SND1: variants seen among roughly 807,000 people sequenced by gnomAD.
SND1 encodes the protein staphylococcal nuclease and tudor domain containing 1.
In SND1, 38 loss-of-function variants were observed where a neutral mutation model predicts 121.7. The ratio of observed to expected loss-of-function variants is 0.31; its 90% CI spans 0.24 to 0.41. The LOEUF is 0.41. Among genes scored for constraint, SND1 ranks in the 10% least tolerant of loss-of-function variants. The probability of loss-of-function intolerance (pLI) is 1.00; values close to 1 mark genes in which losing one functional copy is unlikely to be tolerated. For synonymous variants in SND1, 401 were observed against 447.4 expected, an observed-to-expected ratio of 0.90 and a Z score of 1.31; for missense variants, 868 against 1,184.6, an observed-to-expected ratio of 0.73 and a Z score of 3.92.
chr7:127,951,713 G>A (rs1489729189), intron 15 of SND1, among the ~76,000 whole-genome samples: 1 of 152,166 alleles, frequency 6.6e-6, no homozygotes, highest in Non-Finnish European at 1.5e-5. Context: ...ATTGATTAAA[G>A]AATGTGCCTG....
At chr7:127,979,509 G>A (rs1395306754) in intron 15 of SND1, among the ~76,000 whole-genome samples, 5 of 152,144 alleles carry the variant, frequency 3.3e-5, no homozygotes, top group Non-Finnish European at 7.3e-5. Flanking sequence ...TGGCAGGAAG[G>A]GCAGTTACAG....
chr7:127,934,001 A>T (rs1801004314), intron 15 of SND1, among the ~76,000 whole-genome samples: 1 of 152,234 alleles, frequency 6.6e-6, no homozygotes, highest in Non-Finnish European at 1.5e-5. Flanking sequence ...GAATACAGAC[A>T]TGTAAACAAA....
chr7:127,668,536 G>C (rs1423964614), intron 1 of SND1, among the ~76,000 whole-genome samples: 2 of 152,112 alleles, frequency 1.3e-5, no homozygotes, highest in African/African-American at 4.8e-5. Flanking sequence ...ACAAGACCAG[G>C]AAAAAATAAG....
rs546748817 is a variant in SND1 at position 127,858,209 on chromosome 7, C to A, written c.1343+13785C>A. On this transcript the variant is annotated intron_variant, in intron 12 of 23. Coordinates refer to ENST00000354725, the MANE Select transcript of SND1 (RefSeq NM_014390.4). ...CTTCAGCCGCATGGCCAACTGTTCC[C>A]TCGTTTCCTGGTACATGCCAAGGTT... 1.0e-3 allele frequency: 798 copies of A among 786,456 alleles called. 2 individuals are homozygous for A. The highest frequency in any genetic ancestry group is 2.1e-3 in the Middle Eastern group (9 of 4,370). 48.7% of individuals were successfully genotyped at this position (786,456 alleles called of 1,614,324 possible).
chr7:127,748,219 C>A (rs1296457758), intron 10 of SND1, among the ~76,000 whole-genome samples: 1 of 152,220 alleles, frequency 6.6e-6, no homozygotes, highest in African/African-American at 2.4e-5. Flanking sequence ...TCTCCTGTAT[C>A]TTCCTCTTGA....
chr7:128,066,149 T>C (rs1320478823), intron 16 of SND1, among the ~76,000 whole-genome samples: 1 of 152,232 alleles, frequency 6.6e-6, no homozygotes, highest in Non-Finnish European at 1.5e-5. Flanking sequence ...GCTGCCTCAC[T>C]GCCTCAGGCA....
chr7:127,657,027 G>T (rs551941540), intron 1 of SND1, among the ~76,000 whole-genome samples: 6 of 152,152 alleles, frequency 3.9e-5, no homozygotes, highest in Non-Finnish European at 8.8e-5. Flanking sequence ...AAGGTTTTCT[G>T]TCATTTTTCT....
At chr7:128,088,768 TAA>T (rs1275808842) in intron 21 of SND1, among the ~76,000 whole-genome samples, 1 of 143,350 alleles carries the variant, frequency 7.0e-6, no homozygotes. Context: ...CCTGTCTCTT[TAA>T]AAAAAAAAAA....
At chr7:127,797,188 CG>C (rs1302203504) in intron 10 of SND1, among the ~76,000 whole-genome samples, 1 of 152,066 alleles carries the variant, frequency 6.6e-6, no homozygotes, top group Non-Finnish European at 1.5e-5. Context: ...CCGCTGTGCC[CG>C]GGCTATTTTG....
At chr7:127,985,619 CAT>C (rs1189219087) in intron 15 of SND1, among the ~76,000 whole-genome samples, 1 of 152,238 alleles carries the variant, frequency 6.6e-6, no homozygotes, top group East Asian at 1.9e-4. Flanking sequence ...TCACCAATAA[CAT>C]ACCTTTTACA....
chr7:128,039,759 C>A (rs1792816275), intron 16 of SND1, among the ~76,000 whole-genome samples: 3 of 152,126 alleles, frequency 2.0e-5, no homozygotes. Flanking sequence ...GGAGTGGGGG[C>A]TGTTGAGCCT....
intron 12 of SND1, among the ~76,000 whole-genome samples, chr7:127,882,430 GGAGGGGAGGGGAGGGGAAGA>G: frequency 8.1e-6 from 1 of 123,882 alleles, no homozygotes; most frequent in South Asian, 2.6e-4. Context: ...GGAGAGGAGG[GGAGGGGAGGGGAGGGGAAGA>G]GAGGGGAGAG....
chr7:127,766,771 C>CAAAAAAAAAA (rs59243807), intron 10 of SND1, among the ~76,000 whole-genome samples: 441 of 33,224 alleles, frequency 0.013, 39 homozygotes, highest in East Asian at 0.021. Flanking sequence ...GACTTTGTCT[C>CAAAAAAAAAA]AAAAAAAAAA....
chr7:127,706,646 T>C (rs1002562425), intron 8 of SND1, among the ~76,000 whole-genome samples: 4 of 152,172 alleles, frequency 2.6e-5, no homozygotes, highest in Non-Finnish European at 4.4e-5. Context: ...TTATGGATTT[T>C]TTGGGGGAGT....
chr7:128,083,137 TG>T (rs1315232078), intron 18 of SND1, among the ~76,000 whole-genome samples: 6 of 152,220 alleles, frequency 3.9e-5, no homozygotes, highest in African/African-American at 1.4e-4. Context: ...CCTCTCACCC[TG>T]TCTCCCTTCT....
intron 12 of SND1, among the ~76,000 whole-genome samples, chr7:127,883,586 T>C (rs899977692): frequency 6.6e-6 from 1 of 152,178 alleles, no homozygotes. Flanking sequence ...GCATTTTCTA[T>C]GAGGCAGGAC....
At chr7:127,813,014 T>TTGTG (rs1448330717) in intron 11 of SND1, among the ~76,000 whole-genome samples, 3 of 152,206 alleles carry the variant, frequency 2.0e-5, no homozygotes. Flanking sequence ...GGCCCTAAGG[T>TTGTG]TGTGAATGCA....
At chr7:127,676,242 G>T (rs947436198) in intron 1 of SND1, among the ~76,000 whole-genome samples, 24 of 152,190 alleles carry the variant, frequency 1.6e-4, no homozygotes, top group Non-Finnish European at 2.9e-5. Context: ...TCAGGGCATT[G>T]TTGTGAGGAT....
chr7:127,698,854 A>G, intron 3 of SND1, 21 bp from the exon 4 acceptor site: 1 of 1,610,390 alleles, frequency 6.2e-7, no homozygotes, highest in African/African-American at 1.3e-5. Context: ...TTGTTTTTAA[A>G]TCCCCCCTTT....
Sources: gnomAD v4.1 joint callset for allele counts (sites outside exome capture counted in the v4.1 genomes callset) on GRCh38, gnomAD v4.1.1 for gene constraint, MANE v1.5 for transcripts, NCBI Gene and HGNC (gene_info 2026-07-23, HGNC 2026-07-21) for gene names.